Variants in ASTN2 observed in about 807,000 individuals in gnomAD.
The protein encoded by ASTN2 is astrotactin-2.
Under a neutral mutation model 139.8 loss-of-function variants are expected in ASTN2, and 54 were observed. The ratio of observed to expected loss-of-function variants is 0.39; its 90% CI spans 0.31 to 0.48. The LOEUF (loss-of-function observed/expected upper bound fraction) is 0.48. Among genes scored for constraint, ASTN2 ranks in the 20% least tolerant of loss-of-function variants. The pLI is 0.95. For missense variants in ASTN2, 1,565 were observed against 1,725.1 expected, an observed-to-expected ratio of 0.91 and a Z score of 1.64; for synonymous variants, 756 against 719.5, an observed-to-expected ratio of 1.05 and a Z score of -0.81.
chr9:117,285,657 C>T (rs1284047211), intron 2 of ASTN2, among the ~76,000 whole-genome samples: 1 of 152,172 alleles, frequency 6.6e-6, no homozygotes, highest in Non-Finnish European at 1.5e-5. Context: ...TATTATTCCT[C>T]TCTAAACCCC....
At chr9:117,171,218 C>T (rs1359919243) in intron 3 of ASTN2, among the ~76,000 whole-genome samples, 3 of 152,034 alleles carry the variant, frequency 2.0e-5, no homozygotes, top group Non-Finnish European at 4.4e-5. Context: ...GAAATATTCT[C>T]CTTTGCCCAA....
At chr9:116,907,879 C>A (rs926624438) in intron 10 of ASTN2, among the ~76,000 whole-genome samples, 4 of 152,060 alleles carry the variant, frequency 2.6e-5, no homozygotes, top group Non-Finnish European at 5.9e-5. Flanking sequence ...ATGCTGACAG[C>A]CTTAGAGGTT....
At chr9:116,844,188 G>T (rs1313119425) in intron 11 of ASTN2, among the ~76,000 whole-genome samples, 1 of 152,142 alleles carries the variant, frequency 6.6e-6, no homozygotes, top group African/African-American at 2.4e-5. Context: ...GTGCTGTCAC[G>T]AATGAAAAAT....
chr9:116,565,533 C>G (rs1853187895), intron 19 of ASTN2, among the ~76,000 whole-genome samples: 1 of 150,396 alleles, frequency 6.6e-6, no homozygotes, highest in African/African-American at 2.5e-5. Flanking sequence ...CTTCCCTCCA[C>G]CTGCCCACCC....
chr9:116,812,134 A>C lies in ASTN2; in HGVS notation c.2208-6314T>G, dbSNP rs150942500. Among the ~76,000 whole-genome samples, 1,119 of 152,258 alleles carry C rather than the reference A, an allele frequency of 7.3e-3. 4 individuals are homozygous for C. Among genetic ancestry groups the C allele is most frequent in the Non-Finnish European group, 0.011 (781 of 68,022 alleles). On this transcript the variant is annotated intron_variant, in intron 12 of 22. Coordinates refer to ENST00000313400, the MANE Select transcript of ASTN2 (RefSeq NM_001365068.1). ...AGCTCAGTCCCACATTCAGGATCCC[A>C]AAGTTTAGTGGAATGCTTTTGTATA...
At chr9:117,301,522 T>A (rs751919270) in intron 1 of ASTN2, among the ~76,000 whole-genome samples, 2 of 152,202 alleles carry the variant, frequency 1.3e-5, no homozygotes, top group African/African-American at 2.4e-5. Context: ...AAAAGGGGAC[T>A]ACACTTTTCC....
intron 2 of ASTN2, among the ~76,000 whole-genome samples, chr9:117,219,451 CA>C (rs1832442352): frequency 6.6e-6 from 1 of 152,060 alleles, no homozygotes; most frequent in Non-Finnish European, 1.5e-5. Flanking sequence ...TTTTAGAAAG[CA>C]AGTTAAGAAG....
intron 20 of ASTN2, among the ~76,000 whole-genome samples, chr9:116,452,034 A>C (rs1490306982): frequency 6.6e-6 from 1 of 152,140 alleles, no homozygotes; most frequent in Non-Finnish European, 1.5e-5. Flanking sequence ...CTAAATGATA[A>C]CACATAATTG....
At chr9:116,928,935 A>T in intron 10 of ASTN2, among the ~76,000 whole-genome samples, 1 of 152,214 alleles carries the variant, frequency 6.6e-6, no homozygotes, top group East Asian at 1.9e-4. Flanking sequence ...AAGCACAGAG[A>T]GGTGAAAAAA....
At chr9:116,838,758 G>C (rs1393886453) in intron 11 of ASTN2, among the ~76,000 whole-genome samples, 1 of 152,110 alleles carries the variant, frequency 6.6e-6, no homozygotes, top group Non-Finnish European at 1.5e-5. Context: ...CTGGCTGAGA[G>C]CCTTCAGATG....
intron 16 of ASTN2, among the ~76,000 whole-genome samples, chr9:116,715,673 T>TA (rs1170928273): frequency 6.6e-6 from 1 of 152,152 alleles, no homozygotes; most frequent in Non-Finnish European, 1.5e-5. Context: ...AAGCATTTAT[T>TA]AAAAAAATCT....
At chr9:117,119,502 C>T (rs1829487045) in intron 4 of ASTN2, among the ~76,000 whole-genome samples, 1 of 152,106 alleles carries the variant, frequency 6.6e-6, no homozygotes, top group Non-Finnish European at 1.5e-5. Context: ...ACCTCCTTCT[C>T]CTTACTCTCT....
At chr9:116,943,677 T>C (rs1835299791) in intron 10 of ASTN2, among the ~76,000 whole-genome samples, 1 of 152,164 alleles carries the variant, frequency 6.6e-6, no homozygotes, top group Admixed American at 6.5e-5. Flanking sequence ...AAAATCCCTA[T>C]CTTTGGCCTG....
intron 10 of ASTN2, among the ~76,000 whole-genome samples, chr9:116,958,781 G>T (rs183080048): frequency 1.3e-5 from 2 of 152,102 alleles, no homozygotes; most frequent in African/African-American, 4.8e-5. Context: ...GAAATAAGCC[G>T]GGTCTAGCTG....
chr9:116,572,053 T>TC (rs1213725351), intron 19 of ASTN2, among the ~76,000 whole-genome samples: 1 of 152,146 alleles, frequency 6.6e-6, no homozygotes, highest in Non-Finnish European at 1.5e-5. Flanking sequence ...GCATGCTGTG[T>TC]CTGTGTGGGG....
intron 9 of ASTN2, among the ~76,000 whole-genome samples, chr9:116,975,779 T>C (rs1375837373): frequency 7.7e-6 from 1 of 129,062 alleles, no homozygotes; most frequent in East Asian, 2.3e-4. Context: ...TGTCTTTATC[T>C]ACATGTTCAT....
At chr9:117,354,552 T>A (rs371978621) in intron 1 of ASTN2, among the ~76,000 whole-genome samples, 1 of 152,166 alleles carries the variant, frequency 6.6e-6, no homozygotes, top group African/African-American at 2.4e-5. Flanking sequence ...ATGCACTGAG[T>A]AAGTATCACA....
chr9:117,162,090 G>C (rs987242962), intron 3 of ASTN2, among the ~76,000 whole-genome samples: 2 of 152,036 alleles, frequency 1.3e-5, no homozygotes, highest in Admixed American at 6.6e-5. Flanking sequence ...AAATGAGTTG[G>C]AGGTAGATCA....
intron 10 of ASTN2, among the ~76,000 whole-genome samples, chr9:116,973,299 T>C (rs1286828403): frequency 1.3e-5 from 2 of 152,164 alleles, no homozygotes; most frequent in Non-Finnish European, 2.9e-5. Context: ...TGATCGATGA[T>C]ATGAACTATT....
Sources: gnomAD v4.1 joint callset for allele counts (sites outside exome capture counted in the v4.1 genomes callset) on GRCh38, gnomAD v4.1.1 for gene constraint, MANE v1.5 for transcripts, NCBI Gene and HGNC (gene_info 2026-07-23, HGNC 2026-07-21) for gene names.